Variants in LAMC2 observed in about 807,000 individuals in gnomAD.
LAMC2 encodes the protein laminin subunit gamma-2.
Under a neutral mutation model 140.2 loss-of-function variants are expected in LAMC2, and 97 were observed. That is an observed-to-expected ratio of 0.69 (90% confidence interval 0.59 to 0.82). The LOEUF (loss-of-function observed/expected upper bound fraction) is 0.82. Among genes scored for constraint, LAMC2 ranks in the 40% least tolerant of loss-of-function variants. The probability of loss-of-function intolerance (pLI) is 0.00; values close to 1 mark genes in which losing one functional copy is unlikely to be tolerated. For synonymous variants in LAMC2, 513 were observed against 540.2 expected (o/e 0.95, Z 0.70); for missense variants, 1,402 against 1,476.1 (o/e 0.95, Z 0.82).
At position 183,228,839 on chromosome 1, in the gene LAMC2, T is replaced by C. The variant is rs1659714219; in HGVS notation, c.1714+220T>C. On this transcript the variant is annotated intron_variant, in intron 11 of 22. Transcript: ENST00000264144. The surrounding 1 kb of genome is among the most constrained non-coding windows in gnomAD (Gnocchi z 4.3). ...CTGGAAGACAGAGCTGGGTTAAAGC[T>C]GGGTGGGAGAAGTGAAAAAGGTCAG... 6.6e-6 allele frequency among the ~76,000 whole-genome samples: 1 copy of C among 152,102 alleles called. No individual in the cohort carries two copies. Among genetic ancestry groups the C allele is most frequent in the Non-Finnish European group, 1.5e-5 (1 of 68,000 alleles).
chr1:183,231,477 C>A (rs1054536658), intron 12 of LAMC2, among the ~76,000 whole-genome samples: 1 of 152,086 alleles, frequency 6.6e-6, no homozygotes. Context: ...CACCCATGTC[C>A]CCTAACTTAG....
At chr1:183,208,351 T>C (rs908723651) in intron 2 of LAMC2, among the ~76,000 whole-genome samples, 20 of 152,212 alleles carry the variant, frequency 1.3e-4, no homozygotes, top group African/African-American at 4.3e-4. Context: ...TCTTGAATTC[T>C]AATACAAAGA....
rs760155776 is a variant in LAMC2, at chr1:183,231,003, G to A, written c.1757G>A (p.Arg586Gln). The A allele has an allele frequency of 1.2e-5, 19 of 1,614,012 alleles. No individual in the cohort carries two copies. Among genetic ancestry groups the A allele is most frequent in the South Asian group, 3.3e-5 (3 of 91,088 alleles). Reference protein sequence around the residue: ...NPMGSEPVGCRSDGTCVCKPG... With the variant: ...NPMGSEPVGCQSDGTCVCKPG... ...ATGGGCTCAGAGCCTGTAGGATGTCGAAGTGATGGCACCTGTGTTTGCAAG... is the reference window on the plus strand; with the variant it reads ...ATGGGCTCAGAGCCTGTAGGATGTCAAAGTGATGGCACCTGTGTTTGCAAG... Residue 586 changes from arginine (R) to glutamine (Q), a missense_variant, in exon 12 of 23, where the codon CGA becomes CAA. Physicochemically the swap from Arg to Gln is conservative, Grantham distance 43. This residue lies in a region of LAMC2 where 723 missense variants were observed against 783.3 expected (regional missense o/e 0.92). Transcript: ENST00000264144.
intron 16 of LAMC2, among the ~76,000 whole-genome samples, chr1:183,236,245 C>G (rs963071383): frequency 6.6e-6 from 1 of 151,680 alleles, no homozygotes; most frequent in African/African-American, 2.4e-5. Flanking sequence ...AAGGGGGGGC[C>G]AGGTGTGGTG....
intron 1 of LAMC2, among the ~76,000 whole-genome samples, chr1:183,200,643 C>G (rs1333185329): frequency 6.6e-6 from 1 of 152,118 alleles, no homozygotes. Flanking sequence ...CGCCTTTGCC[C>G]CTTTGCTTCC....
Position 183,215,563 on chromosome 1 carries a change from G to T in LAMC2, c.379G>T (p.Gly127Trp), listed in dbSNP as rs779546941. The T allele has an allele frequency of 7.4e-6, 12 of 1,614,188 alleles. No individual in the cohort carries two copies. Among genetic ancestry groups the T allele is most frequent in the Non-Finnish European group, 1.0e-5 (12 of 1,180,046 alleles). Residue 127 changes from glycine (G) to tryptophan (W), a missense_variant, in exon 3 of 23, where the codon GGG becomes TGG. By Grantham distance (184) the Gly-to-Trp change is radical. This residue lies in a region of LAMC2 where 723 missense variants were observed against 783.3 expected (regional missense o/e 0.92). Transcript: ENST00000264144. ...AGGCTTCCACATGCTCACGGATGCGGGGTGCACCCAAGACCAGAGACTGCT... is the reference window on the plus strand; with the variant it reads ...AGGCTTCCACATGCTCACGGATGCGTGGTGCACCCAAGACCAGAGACTGCT... ...LPGFHMLTDA[G>W]CTQDQRLLDS...
At chr1:183,219,909 T>C (rs977976222) in intron 4 of LAMC2, among the ~76,000 whole-genome samples, 4 of 152,234 alleles carry the variant, frequency 2.6e-5, no homozygotes, top group Non-Finnish European at 4.4e-5. Flanking sequence ...CTGCTATATG[T>C]CAAGAGTTTC....
intron 1 of LAMC2, among the ~76,000 whole-genome samples, chr1:183,200,544 T>C (rs1190155758): frequency 1.3e-5 from 2 of 152,192 alleles, no homozygotes; most frequent in Non-Finnish European, 2.9e-5. Context: ...CTACTACTGA[T>C]GATGATTATT....
Position 183,211,324 on chromosome 1 carries a change from T to G in LAMC2, c.268+3255T>G, listed in dbSNP as rs114941792. Among the ~76,000 whole-genome samples, 396 of 152,364 alleles carry G rather than the reference T, an allele frequency of 2.6e-3. 3 individuals carry two copies. The highest frequency in any genetic ancestry group is 9.2e-3 in the African/African-American group (381 of 41,584). The stretch of plus-strand genomic sequence containing the variant: ...CTAAGTTTTTGAGGTCTATGTGATA[T>G]TGGACTTACTCTCTTAATTTTATAT... On this transcript the variant is annotated intron_variant, in intron 2 of 22. Coordinates refer to ENST00000264144, the MANE Select transcript of LAMC2 (RefSeq NM_005562.3).
Position 183,240,327 on chromosome 1 carries a change from C to A in LAMC2, c.3264C>A (p.Ala1088=), listed in dbSNP as rs1425129301. 3 of 1,614,200 alleles carry A rather than the reference C, an allele frequency of 1.9e-6. No individual in the cohort carries two copies. The Admixed American group carries it at 5.0e-5, about 27-fold the overall frequency. The stretch of plus-strand genomic sequence containing the variant: ...AAGCCCAGAAGGTTGATACCAGAGC[C>A]AAGAACGCTGGGGTTACAATCCAAG... ...ITEAQKVDTR[A]KNAGVTIQDT... Residue 1088 remains alanine (A), a synonymous_variant, in exon 22 of 23, where the codon GCC becomes GCA. Coordinates refer to ENST00000264144, the MANE Select transcript of LAMC2 (RefSeq NM_005562.3).
intron 11 of LAMC2, 39 bp from the exon 12 acceptor site, chr1:183,230,922 T>C (rs1659778928): frequency 1.2e-6 from 2 of 1,613,114 alleles, no homozygotes; most frequent in African/African-American, 2.7e-5. Context: ...CTTTCTAGAC[T>C]AGTTTGATGT....
chr1:183,221,006 A>C (rs1232297873), intron 5 of LAMC2, 45 bp downstream of exon 5: 12 of 1,588,164 alleles, frequency 7.6e-6, no homozygotes, highest in Non-Finnish European at 1.0e-5. Flanking sequence ...AATGTTGTAC[A>C]GGGCTTTGTG....
At chr1:183,196,723 AG>A (rs1658531553) in intron 1 of LAMC2, among the ~76,000 whole-genome samples, 1 of 151,690 alleles carries the variant, frequency 6.6e-6, no homozygotes, top group Non-Finnish European at 1.5e-5. Context: ...GTATCCAATA[AG>A]GTATATTAAG....
chr1:183,213,375 A>T (rs1438404084), intron 2 of LAMC2, among the ~76,000 whole-genome samples: 2 of 152,236 alleles, frequency 1.3e-5, no homozygotes, highest in Non-Finnish European at 2.9e-5. Flanking sequence ...CACAGAACCG[A>T]TATCTTTATC....
intron 14 of LAMC2, among the ~76,000 whole-genome samples, chr1:183,233,327 G>C (rs771674634): frequency 6.6e-6 from 1 of 152,048 alleles, no homozygotes; most frequent in Non-Finnish European, 1.5e-5. Context: ...GAAGAACAAA[G>C]GAAGAGAGTA....
In LAMC2 at chr1:183,199,176, C is replaced by G. The variant is rs551799349; in HGVS notation, c.80-8705C>G. On this transcript the variant is annotated intron_variant, in intron 1 of 22. Coordinates refer to ENST00000264144, the MANE Select transcript of LAMC2 (RefSeq NM_005562.3). ...CTGGAGTGCAGTGGCACCATCTTGG[C>G]TCACTGCAACCTCCGCCTCCCAGGT... 1.9e-4 allele frequency among the ~76,000 whole-genome samples: 26 copies of G among 138,324 alleles called. No individual in the cohort carries two copies. In the East Asian group the frequency reaches 5.3e-3, roughly 28 times the overall value. 90.7% of individuals were successfully genotyped at this position (138,324 alleles called of 152,430 possible). A position where few individuals can be genotyped will look rare whatever the true frequency, so the allele number is the denominator to read the frequency against.
At chr1:183,221,827 G>A (rs969235599) in intron 5 of LAMC2, among the ~76,000 whole-genome samples, 16 of 152,098 alleles carry the variant, frequency 1.1e-4, no homozygotes, top group Non-Finnish European at 8.8e-5. Context: ...CAAATTACAG[G>A]CAGAAGAAAA....
At chr1:183,195,841 A>T (rs1658496430) in intron 1 of LAMC2, among the ~76,000 whole-genome samples, 1 of 147,046 alleles carries the variant, frequency 6.8e-6, no homozygotes, top group Non-Finnish European at 1.5e-5. Context: ...GTTTTAAAAT[A>T]TCTGCTTAAG....
intron 19 of LAMC2, 99 bp from the exon 20 acceptor site, chr1:183,239,265 A>G: frequency 1.9e-6 from 2 of 1,073,988 alleles, no homozygotes; most frequent in Non-Finnish European, 1.5e-6. Context: ...GTCAGTAATA[A>G]CACTCTTTCA....
Sources: allele counts gnomAD v4.1 joint callset (sites outside exome capture counted in the v4.1 genomes callset), GRCh38; gene constraint gnomAD v4.1.1; regional missense constraint gnomAD v4.1.1; non-coding constraint Gnocchi (gnomAD v3.1); transcripts MANE v1.5; gene names NCBI Gene and HGNC (gene_info 2026-07-23, HGNC 2026-07-21).